Variants in CRPPA observed in about 807,000 individuals in gnomAD.
CRPPA encodes CDP-L-ribitol pyrophosphorylase A.
A neutral mutation model predicts 52.0 loss-of-function variants in CRPPA; 43 were observed. The ratio of observed to expected loss-of-function variants is 0.83; its 90% CI spans 0.65 to 1.07. The LOEUF is 1.07. CRPPA is among the 50% of genes least tolerant of loss of function. The pLI, the probability that CRPPA is intolerant of heterozygous loss-of-function variation, is 0.00. For synonymous variants in CRPPA, 250 were observed against 203.5 expected (o/e 1.23, Z -1.94); for missense variants, 629 against 551.7 (o/e 1.14, Z -1.40).
At chr7:16,411,370 G>A (rs981761122) in intron 1 of CRPPA, among the ~76,000 whole-genome samples, 3 of 152,040 alleles carry the variant, frequency 2.0e-5, no homozygotes, top group Non-Finnish European at 1.5e-5. Context: ...AAATCCAGGA[G>A]AGAAAAAATC....
chr7:16,246,947 T>C (rs1783291320), intron 8 of CRPPA, among the ~76,000 whole-genome samples: 2 of 152,220 alleles, frequency 1.3e-5, no homozygotes, highest in South Asian at 4.1e-4. Context: ...AGTGTCAGTC[T>C]ATCATTTGAA....
chr7:16,163,341 CT>C lies in CRPPA; in HGVS notation c.1251+52724del, dbSNP rs1014208571. On this transcript the variant is annotated intron_variant, in intron 9 of 9. Transcript: ENST00000407010. ...TCAGAGACCAGGATTGCAACCCCTG[CT>C]TTTTTTTTTTCTTTCCATTTGCTTG... Among the ~76,000 whole-genome samples the C allele has an allele frequency of 9.5e-3, 1,381 of 145,770 alleles. 20 individuals are homozygous for C. The highest frequency in any genetic ancestry group is 0.031 in the African/African-American group (1,259 of 40,006).
chr7:16,244,832 C>T (rs1398614126), intron 8 of CRPPA, among the ~76,000 whole-genome samples: 1 of 152,118 alleles, frequency 6.6e-6, no homozygotes, highest in African/African-American at 2.4e-5. Flanking sequence ...TCAGCCAAGA[C>T]AAAATGGCCT....
At chr7:16,148,952 C>G (rs1783024922) in intron 9 of CRPPA, among the ~76,000 whole-genome samples, 1 of 152,000 alleles carries the variant, frequency 6.6e-6, no homozygotes, top group Non-Finnish European at 1.5e-5. Context: ...TATGTATTAA[C>G]TAAATATGAA....
At chr7:16,274,148 C>T (rs1222774033) in intron 6 of CRPPA, among the ~76,000 whole-genome samples, 3 of 152,168 alleles carry the variant, frequency 2.0e-5, no homozygotes, top group Non-Finnish European at 2.9e-5. Context: ...CTCCCGGGTT[C>T]ACGACATTCT....
At chr7:16,249,846 G>A (rs919351963) in intron 8 of CRPPA, among the ~76,000 whole-genome samples, 5 of 152,126 alleles carry the variant, frequency 3.3e-5, no homozygotes, top group Admixed American at 1.3e-4. Flanking sequence ...ACAACTCCTC[G>A]CCAGCAAGGG....
chr7:16,178,681 T>A (rs1352107144), intron 9 of CRPPA, among the ~76,000 whole-genome samples: 1 of 152,112 alleles, frequency 6.6e-6, no homozygotes, highest in African/African-American at 2.4e-5. Context: ...TATATCATTA[T>A]AGCTACCTCA....
chr7:16,253,381 G>A (rs554409159), intron 8 of CRPPA, among the ~76,000 whole-genome samples: 6 of 152,188 alleles, frequency 3.9e-5, no homozygotes, highest in African/African-American at 1.4e-4. Flanking sequence ...TCATTCAGGA[G>A]CAGGTTGTTC....
chr7:16,397,475 G>C (rs113414205), intron 2 of CRPPA, among the ~76,000 whole-genome samples: 3,185 of 152,320 alleles, frequency 0.021, 50 homozygotes, highest in South Asian at 0.066. Context: ...GTGACTCATA[G>C]TTGACATAAC....
At chr7:16,370,474 C>A (rs974099006) in intron 3 of CRPPA, among the ~76,000 whole-genome samples, 2 of 152,122 alleles carry the variant, frequency 1.3e-5, no homozygotes, top group African/African-American at 4.8e-5. Flanking sequence ...AGCACCAGTC[C>A]AGAGTCTGGT....
chr7:16,416,407 A>C (rs1369168989), intron 1 of CRPPA, among the ~76,000 whole-genome samples: 1 of 152,212 alleles, frequency 6.6e-6, no homozygotes, highest in Non-Finnish European at 1.5e-5. Flanking sequence ...ACCTCCAACT[A>C]TAAGAATCGT....
chr7:16,214,201 C>T (rs551797016), intron 9 of CRPPA, among the ~76,000 whole-genome samples: 25 of 152,162 alleles, frequency 1.6e-4, no homozygotes, highest in South Asian at 4.1e-4. Flanking sequence ...TTGGGACATA[C>T]GCTAAAAATT....
chr7:16,093,285 C>T (rs1781872582), intron 9 of CRPPA, among the ~76,000 whole-genome samples: 1 of 152,110 alleles, frequency 6.6e-6, no homozygotes, highest in African/African-American at 2.4e-5. Flanking sequence ...AGACATATCA[C>T]CCTTTTAGTT....
At chr7:16,190,454 C>T (rs756030939) in intron 9 of CRPPA, among the ~76,000 whole-genome samples, 3 of 152,090 alleles carry the variant, frequency 2.0e-5, no homozygotes, top group Admixed American at 6.5e-5. Flanking sequence ...CGTAACAATA[C>T]GCATTCATCA....
chr7:16,407,434 G>A (rs781153283), intron 1 of CRPPA, among the ~76,000 whole-genome samples: 9 of 152,132 alleles, frequency 5.9e-5, no homozygotes, highest in Non-Finnish European at 1.3e-4. Flanking sequence ...CAGCCCAAAA[G>A]CCCAAACCAA....
At chr7:16,379,748 G>C (rs1787022242) in intron 2 of CRPPA, among the ~76,000 whole-genome samples, 1 of 152,110 alleles carries the variant, frequency 6.6e-6, no homozygotes, top group African/African-American at 2.4e-5. Flanking sequence ...TTCCTTTGAA[G>C]CAATTGTGAA....
intron 5 of CRPPA, among the ~76,000 whole-genome samples, chr7:16,294,909 C>A (rs1409172511): frequency 6.6e-6 from 1 of 151,898 alleles, no homozygotes. Flanking sequence ...CCAAGGGATT[C>A]AAAAACAAAC....
intron 1 of CRPPA, among the ~76,000 whole-genome samples, chr7:16,413,431 C>T (rs1219112994): frequency 6.6e-6 from 1 of 152,194 alleles, no homozygotes; most frequent in Non-Finnish European, 1.5e-5. Context: ...AGCCTTGAGA[C>T]AAAATTTTAA....
chr7:16,215,545 C>A (rs1202231429), intron 9 of CRPPA, among the ~76,000 whole-genome samples: 1 of 152,190 alleles, frequency 6.6e-6, no homozygotes, highest in Non-Finnish European at 1.5e-5. Flanking sequence ...CTCTTATAAT[C>A]TGAATGCCAG....
Sources: gnomAD v4.1 joint callset for allele counts (sites outside exome capture counted in the v4.1 genomes callset) on GRCh38, gnomAD v4.1.1 for gene constraint, MANE v1.5 for transcripts, NCBI Gene and HGNC (gene_info 2026-07-23, HGNC 2026-07-21) for gene names.